The following TMEM45A variants were observed in gnomAD, a reference collection of about 807,000 sequenced individuals.
The protein encoded by TMEM45A is transmembrane protein 45A.
In TMEM45A, 25 loss-of-function variants were observed where a neutral mutation model predicts 32.0. The ratio of observed to expected loss-of-function variants is 0.78; its 90% CI spans 0.57 to 1.09. The LOEUF is 1.09. Among genes scored for constraint, TMEM45A ranks in the 50% least tolerant of loss-of-function variants. The pLI, the probability that TMEM45A is intolerant of heterozygous loss-of-function variation, is 0.00. For missense variants in TMEM45A, 302 were observed against 325.0 expected, an observed-to-expected ratio of 0.93 and a Z score of 0.54; for synonymous variants, 122 against 114.8, an observed-to-expected ratio of 1.06 and a Z score of -0.40.
At chr3:100,529,253 CAT>C (rs2148954954) in intron 1 of TMEM45A, among the ~76,000 whole-genome samples, 1 of 152,294 alleles carries the variant, frequency 6.6e-6, no homozygotes, top group Admixed American at 6.5e-5. Flanking sequence ...AAGGCAGTAG[CAT>C]ATGAGTTTGA....
rs11916083 is a variant in TMEM45A at position 100,508,073 on chromosome 3, G to A, written c.-4+15145G>A. 2.1e-3 allele frequency among the ~76,000 whole-genome samples: 314 copies of A among 151,962 alleles called. 2 individuals are homozygous for A. Among genetic ancestry groups the A allele is most frequent in the African/African-American group, 6.8e-3 (283 of 41,456 alleles). ...CAAAGCAGCTGGCCCAGCTGAGATC[G>A]GAGCCAGGAGAGACTCCTCAGTGCA... On this transcript the variant is annotated intron_variant, in intron 1 of 5. Coordinates refer to ENST00000323523, the MANE Select transcript of TMEM45A (RefSeq NM_018004.3).
At chr3:100,556,409 T>A (rs2148982615) in intron 2 of TMEM45A, among the ~76,000 whole-genome samples, 1 of 152,346 alleles carries the variant, frequency 6.6e-6, no homozygotes, top group Non-Finnish European at 1.5e-5. Flanking sequence ...AAGGAAGTAA[T>A]CTATCTCCAT....
At chr3:100,527,862 T>C (rs1171018375) in intron 1 of TMEM45A, among the ~76,000 whole-genome samples, 3 of 152,166 alleles carry the variant, frequency 2.0e-5, no homozygotes. Context: ...AATAGAGATT[T>C]GAAAATATCC....
chr3:100,555,066 A>G, intron 1 of TMEM45A, 143 bp from the exon 2 acceptor site: 1 of 691,036 alleles, frequency 1.4e-6, no homozygotes, highest in South Asian at 2.3e-5. Flanking sequence ...TAGTATGCAC[A>G]GTAATGTAGG....
At chr3:100,543,165 T>C (rs181565196) in intron 1 of TMEM45A, among the ~76,000 whole-genome samples, 2 of 152,352 alleles carry the variant, frequency 1.3e-5, no homozygotes, top group East Asian at 3.9e-4. Flanking sequence ...TAAATATAGA[T>C]ATACTTCTTT....
chr3:100,510,580 A>G, intron 1 of TMEM45A, among the ~76,000 whole-genome samples: 1 of 147,436 alleles, frequency 6.8e-6, no homozygotes, highest in Admixed American at 6.8e-5. Flanking sequence ...CTCCAAAGGA[A>G]CGCACGCAGT....
chr3:100,544,904 G>T (rs1705955162), intron 1 of TMEM45A, among the ~76,000 whole-genome samples: 1 of 152,186 alleles, frequency 6.6e-6, no homozygotes, highest in South Asian at 2.1e-4. Flanking sequence ...GTTATAAAAA[G>T]TGACAAGCTG....
chr3:100,562,953 T>C (rs981580639), intron 4 of TMEM45A, among the ~76,000 whole-genome samples: 2 of 152,188 alleles, frequency 1.3e-5, no homozygotes, highest in African/African-American at 4.8e-5. Flanking sequence ...TTTGCTTATT[T>C]TGAACTCAAC....
intron 5 of TMEM45A, 95 bp from the exon 6 acceptor site, chr3:100,576,830 C>A: frequency 1.0e-6 from 1 of 994,690 alleles, no homozygotes; most frequent in Non-Finnish European, 1.5e-6. Flanking sequence ...CCCAGTTGCC[C>A]AAATAATCTA....
chr3:100,515,692 G>A (rs1356073700), intron 1 of TMEM45A, among the ~76,000 whole-genome samples: 1 of 151,618 alleles, frequency 6.6e-6, no homozygotes, highest in Non-Finnish European at 1.5e-5. Context: ...GTCATTTGTA[G>A]CAACATTGAT....
chr3:100,511,056 A>G (rs1323040808), intron 1 of TMEM45A, among the ~76,000 whole-genome samples: 1 of 152,208 alleles, frequency 6.6e-6, no homozygotes, highest in Non-Finnish European at 1.5e-5. Context: ...TCTTCAGGAT[A>G]TTATCCAGGA....
chr3:100,557,403 A>T (rs1706243068), intron 3 of TMEM45A, among the ~76,000 whole-genome samples: 1 of 152,194 alleles, frequency 6.6e-6, no homozygotes, highest in Admixed American at 6.5e-5. Context: ...ATACAGTAAT[A>T]CTCTGCCATT....
At chr3:100,533,357 C>T (rs896170742) in intron 1 of TMEM45A, among the ~76,000 whole-genome samples, 19 of 152,156 alleles carry the variant, frequency 1.2e-4, no homozygotes, top group Non-Finnish European at 1.5e-5. Flanking sequence ...TTTGTATAGG[C>T]ATCCAGGCTG....
intron 1 of TMEM45A, among the ~76,000 whole-genome samples, chr3:100,536,536 T>C (rs1705743208): frequency 1.3e-5 from 2 of 152,214 alleles, no homozygotes; most frequent in Admixed American, 1.3e-4. Context: ...AATAAATATT[T>C]GTTGAAAGCA....
At chr3:100,537,745 T>TGA (rs1396163400) in intron 1 of TMEM45A, among the ~76,000 whole-genome samples, 1 of 152,234 alleles carries the variant, frequency 6.6e-6, no homozygotes, top group African/African-American at 2.4e-5. Flanking sequence ...CACACAGGTG[T>TGA]CATTGTCACA....
intron 4 of TMEM45A, among the ~76,000 whole-genome samples, chr3:100,562,752 T>C (rs774908050): frequency 2.6e-4 from 40 of 152,148 alleles, no homozygotes; most frequent in Non-Finnish European, 5.0e-4. Context: ...AACTGTAAAA[T>C]AGAAATATTA....
At chr3:100,550,375 GTATCC>G (rs1706071282) in intron 1 of TMEM45A, among the ~76,000 whole-genome samples, 1 of 152,018 alleles carries the variant, frequency 6.6e-6, no homozygotes, top group Non-Finnish European at 1.5e-5. Flanking sequence ...ACATATTTTT[GTATCC>G]ACATAGTATG....
intron 5 of TMEM45A, among the ~76,000 whole-genome samples, chr3:100,569,830 A>T (rs1706523306): frequency 6.6e-6 from 1 of 152,214 alleles, no homozygotes; most frequent in Non-Finnish European, 1.5e-5. Context: ...GAGATGCACA[A>T]TGAAAATACA....
intron 1 of TMEM45A, among the ~76,000 whole-genome samples, chr3:100,554,738 C>G (rs1212540293): frequency 6.6e-6 from 1 of 152,210 alleles, no homozygotes; most frequent in Non-Finnish European, 1.5e-5. Context: ...ATATCACTTT[C>G]CTTCAGATAG....
Sources: allele counts gnomAD v4.1 joint callset (sites outside exome capture counted in the v4.1 genomes callset), GRCh38; gene constraint gnomAD v4.1.1; transcripts MANE v1.5; gene names NCBI Gene and HGNC (gene_info 2026-07-23, HGNC 2026-07-21).